The following CDKAL1 variants were observed in gnomAD, a reference collection of about 807,000 sequenced individuals.
CDKAL1 encodes threonylcarbamoyladenosine tRNA methylthiotransferase.
In CDKAL1, 32 loss-of-function variants were observed where a neutral mutation model predicts 68.2. That is an observed-to-expected ratio of 0.47 (90% CI 0.35 to 0.63). The LOEUF is 0.63. Among genes scored for constraint, CDKAL1 ranks in the 30% least tolerant of loss-of-function variants. CDKAL1 has a pLI of 0.00. For missense variants in CDKAL1, 606 were observed against 696.7 expected (o/e 0.87, Z 1.47); for synonymous variants, 234 against 244.3 (o/e 0.96, Z 0.39).
At chr6:20,652,245 T>G (rs921880918) in intron 5 of CDKAL1, among the ~76,000 whole-genome samples, 3 of 152,222 alleles carry the variant, frequency 2.0e-5, no homozygotes, top group Non-Finnish European at 4.4e-5. Context: ...GAGTATTTGT[T>G]AAGTGTTAAC....
chr6:20,695,759 A>G (rs1164463448), intron 5 of CDKAL1, among the ~76,000 whole-genome samples: 1 of 152,174 alleles, frequency 6.6e-6, no homozygotes, highest in Non-Finnish European at 1.5e-5. Flanking sequence ...GTAGTAAAAT[A>G]TACATAATAT....
chr6:20,952,083 C>T (rs1433606771), intron 9 of CDKAL1, among the ~76,000 whole-genome samples: 6 of 151,634 alleles, frequency 4.0e-5, no homozygotes, highest in South Asian at 2.1e-4. Flanking sequence ...CTCAGCCTCC[C>T]GAGTAGCTGG....
intron 5 of CDKAL1, among the ~76,000 whole-genome samples, chr6:20,663,835 G>C (rs1769402064): frequency 6.6e-6 from 1 of 152,132 alleles, no homozygotes; most frequent in South Asian, 2.1e-4. Flanking sequence ...TGGAAAACAG[G>C]TTGAAGGACA....
At chr6:21,031,774 T>C (rs1769303162) in intron 11 of CDKAL1, among the ~76,000 whole-genome samples, 1 of 152,118 alleles carries the variant, frequency 6.6e-6, no homozygotes, top group Non-Finnish European at 1.5e-5. Context: ...AACCCAGTCT[T>C]TTTCAGTGCG....
At chr6:20,743,942 G>A (rs541800541) in intron 6 of CDKAL1, among the ~76,000 whole-genome samples, 6 of 152,314 alleles carry the variant, frequency 3.9e-5, no homozygotes, top group African/African-American at 9.6e-5. Context: ...ATCTTAGCAT[G>A]AAGTGAAGTT....
chr6:21,032,318 G>T (rs753838818), intron 11 of CDKAL1, among the ~76,000 whole-genome samples: 23 of 152,036 alleles, frequency 1.5e-4, no homozygotes, highest in Non-Finnish European at 2.9e-4. Flanking sequence ...TCAAACTCCT[G>T]GGCTTGAGAG....
chr6:20,686,645 T>TC (rs1330379160), intron 5 of CDKAL1, among the ~76,000 whole-genome samples: 2 of 152,120 alleles, frequency 1.3e-5, no homozygotes, highest in Admixed American at 1.3e-4. Flanking sequence ...TGAAACCATC[T>TC]CCCACCCAAT....
chr6:20,981,142 GC>G (rs1185827630), intron 10 of CDKAL1, among the ~76,000 whole-genome samples: 2 of 150,612 alleles, frequency 1.3e-5, no homozygotes, highest in African/African-American at 4.9e-5. Flanking sequence ...AGGAAATATT[GC>G]GTTCATTTTT....
intron 4 of CDKAL1, among the ~76,000 whole-genome samples, chr6:20,617,664 G>T (rs367820340): frequency 6.6e-6 from 1 of 152,008 alleles, no homozygotes; most frequent in African/African-American, 2.4e-5. Flanking sequence ...GAGAACATGC[G>T]GTGTTTGGTT....
intron 8 of CDKAL1, among the ~76,000 whole-genome samples, chr6:20,841,780 T>A (rs1004030296): frequency 1.8e-4 from 28 of 152,264 alleles, no homozygotes; most frequent in African/African-American, 6.7e-4. Context: ...AAAATAAAAC[T>A]CTCCTGGGTT....
chr6:20,824,140 A>G lies in CDKAL1; in HGVS notation c.639-21935A>G, dbSNP rs907868224. On this transcript the variant is annotated intron_variant, in intron 8 of 15. Transcript: ENST00000274695. ...GTTGTGTCTTGCTACCGCTGCTTCTACTCTTACTACTGCTTTAGGCTGTCT... is the reference window on the plus strand; with the variant it reads ...GTTGTGTCTTGCTACCGCTGCTTCTGCTCTTACTACTGCTTTAGGCTGTCT... Among the ~76,000 whole-genome samples, 15 of 152,208 alleles carry G rather than the reference A, an allele frequency of 9.9e-5. 2 individuals are homozygous for G. The highest frequency in any genetic ancestry group is 7.9e-4 in the Admixed American group (12 of 15,264).
intron 9 of CDKAL1, among the ~76,000 whole-genome samples, chr6:20,860,933 AT>A (rs70990075): frequency 0.6 from 80,594 of 133,882 alleles, 24,241 homozygotes; most frequent in Non-Finnish European, 0.66. Context: ...AGTGTGGTCT[AT>A]TTTTTTTTTT....
At chr6:21,101,126 G>T (rs1773554673) in intron 12 of CDKAL1, among the ~76,000 whole-genome samples, 1 of 152,266 alleles carries the variant, frequency 6.6e-6, no homozygotes, top group South Asian at 2.1e-4. Flanking sequence ...CAAAGCTGCA[G>T]GCATAATACA....
intron 9 of CDKAL1, among the ~76,000 whole-genome samples, chr6:20,896,896 A>G (rs1761717836): frequency 6.6e-6 from 1 of 152,178 alleles, no homozygotes; most frequent in Non-Finnish European, 1.5e-5. Flanking sequence ...CAATCAGATG[A>G]AAGTGTTCTT....
intron 5 of CDKAL1, among the ~76,000 whole-genome samples, chr6:20,650,714 T>C (rs1378573169): frequency 6.6e-6 from 1 of 152,226 alleles, no homozygotes; most frequent in East Asian, 1.9e-4. Flanking sequence ...TTAATCCATC[T>C]TGAGTTAATT....
Position 20,732,283 on chromosome 6 carries a change from T to TTTG in CDKAL1, c.372-7226_372-7224dup, listed in dbSNP as rs1554112043. Among the ~76,000 whole-genome samples the TTTG allele has an allele frequency of 5.8e-3, 680 of 117,256 alleles. 7 individuals are homozygous for TTTG. Among genetic ancestry groups the TTTG allele is most frequent in the Middle Eastern group, 8.9e-3 (2 of 224 alleles). The allele number at this position is 117,256 out of a possible 152,430, so 76.9% of individuals were successfully genotyped here. On this transcript the variant is annotated intron_variant, in intron 5 of 15. Coordinates refer to ENST00000274695, the MANE Select transcript of CDKAL1 (RefSeq NM_017774.3). ...TCTTTCTTTTTTTTTTTTTTTTTTT[T>TTTG]TTGTTGTTGTTGAGACAGGGTCTCA...
At chr6:20,990,126 C>T (rs193255096) in intron 10 of CDKAL1, among the ~76,000 whole-genome samples, 2 of 152,176 alleles carry the variant, frequency 1.3e-5, no homozygotes, top group African/African-American at 4.8e-5. Context: ...GCCTGTAGTC[C>T]CAGCTACTCA....
At chr6:20,883,307 T>C (rs540320266) in intron 9 of CDKAL1, among the ~76,000 whole-genome samples, 27 of 152,348 alleles carry the variant, frequency 1.8e-4, no homozygotes, top group East Asian at 7.7e-4. Flanking sequence ...TGTTGCATTT[T>C]AGTTGACAAG....
chr6:20,884,771 C>T (rs1337028485), intron 9 of CDKAL1, among the ~76,000 whole-genome samples: 3 of 152,100 alleles, frequency 2.0e-5, no homozygotes, highest in Non-Finnish European at 4.4e-5. Flanking sequence ...ACAATAGCAT[C>T]TGAAAGAATA....
Sources: gnomAD v4.1 joint callset for allele counts (sites outside exome capture counted in the v4.1 genomes callset) on GRCh38, gnomAD v4.1.1 for gene constraint, MANE v1.5 for transcripts, NCBI Gene and HGNC (gene_info 2026-07-23, HGNC 2026-07-21) for gene names.